CIMIP1: variants seen among roughly 807,000 people sequenced by gnomAD.
CIMIP1 encodes ciliary microtubule inner protein 1.
the CIMIP1 span, among the ~76,000 whole-genome samples, chr20:58,158,575 G>A: frequency 6.6e-6 from 1 of 152,004 alleles, no homozygotes; most frequent in African/African-American, 2.4e-5. Context: ...ACGTGAACCC[G>A]GGAGGTGCAG....
At chr20:58,158,091 T>C in the CIMIP1 span, among the ~76,000 whole-genome samples, 21 of 152,312 alleles carry the variant, frequency 1.4e-4, no homozygotes, top group South Asian at 3.3e-3. Flanking sequence ...AGTTATTCTC[T>C]TTCCAAAGAA....
At chr20:58,158,262 G>T in the CIMIP1 span, among the ~76,000 whole-genome samples, 3 of 152,188 alleles carry the variant, frequency 2.0e-5, no homozygotes, top group African/African-American at 7.2e-5. Context: ...ACCAGACAGA[G>T]CCTGTGGGGT....
the CIMIP1 span, among the ~76,000 whole-genome samples, chr20:58,156,100 G>C: frequency 2.0e-5 from 3 of 152,326 alleles, no homozygotes; most frequent in East Asian, 5.8e-4. Flanking sequence ...CTATTACTAA[G>C]GTGCAACAGC....
chr20:58,157,394 A>G, the CIMIP1 span, among the ~76,000 whole-genome samples: 1 of 152,178 alleles, frequency 6.6e-6, no homozygotes, highest in African/African-American at 2.4e-5. Flanking sequence ...CCTGCTTTTA[A>G]ATGTTACCCT....
chr20:58,153,594 A>G, the CIMIP1 span: 9 of 1,614,006 alleles, frequency 5.6e-6, no homozygotes, highest in Non-Finnish European at 7.6e-6. Flanking sequence ...TGGCCCCAGA[A>G]CTGGGGGTTT....
chr20:58,159,181 TTC>T, the CIMIP1 span, among the ~76,000 whole-genome samples: 1 of 136,106 alleles, frequency 7.3e-6, no homozygotes, highest in Non-Finnish European at 1.6e-5. Context: ...CTGCACTTTC[TTC>T]TTTTTTTTTT....
At chr20:58,155,297 C>T in the CIMIP1 span, among the ~76,000 whole-genome samples, 2 of 152,250 alleles carry the variant, frequency 1.3e-5, no homozygotes, top group African/African-American at 4.8e-5. Context: ...AAGCCTCTGC[C>T]TCCCATTTCC....
chr20:58,159,163 G>A, the CIMIP1 span, among the ~76,000 whole-genome samples: 1 of 141,124 alleles, frequency 7.1e-6, no homozygotes, highest in African/African-American at 2.6e-5. Context: ...GTCAAAGAGT[G>A]TTTGCATCTG....
chr20:58,158,201 C>T, the CIMIP1 span, among the ~76,000 whole-genome samples: 1 of 152,180 alleles, frequency 6.6e-6, no homozygotes, highest in African/African-American at 2.4e-5. Context: ...TGGTTATCTC[C>T]TGTGAGAGAC....
At chr20:58,159,103 G>C in the CIMIP1 span, among the ~76,000 whole-genome samples, 1 of 151,090 alleles carries the variant, frequency 6.6e-6, no homozygotes, top group African/African-American at 2.4e-5. Context: ...GTGTGTACCT[G>C]TGTAGCTATC....
chr20:58,155,608 T>A, the CIMIP1 span: 1 of 1,527,464 alleles, frequency 6.5e-7, no homozygotes, highest in Middle Eastern at 1.7e-4. Context: ...TTTAAAATAC[T>A]CATTTTCCTA....
the CIMIP1 span, chr20:58,153,632 A>G: frequency 6.3e-6 from 10 of 1,579,908 alleles, no homozygotes; most frequent in African/African-American, 1.2e-4. Context: ...GGAGGTAAAT[A>G]TAAATTGTAT....
chr20:58,151,268 C>G, the CIMIP1 span, among the ~76,000 whole-genome samples: 1 of 151,988 alleles, frequency 6.6e-6, no homozygotes, highest in African/African-American at 2.4e-5. Flanking sequence ...GGGCCCACCA[C>G]GAAGACGTGG....
At chr20:58,161,122 T>G in the CIMIP1 span, 214 of 227,490 alleles carry the variant, frequency 9.4e-4, 2 homozygotes, top group Non-Finnish European at 1.4e-3. Context: ...AGTGATTCAA[T>G]TTTAAAAATA....
At chr20:58,155,971 T>C in the CIMIP1 span, among the ~76,000 whole-genome samples, 1 of 152,216 alleles carries the variant, frequency 6.6e-6, no homozygotes, top group South Asian at 2.1e-4. Flanking sequence ...TGGCTTGACC[T>C]CTCTGTGTCT....
the CIMIP1 span, chr20:58,150,971 C>G: frequency 1.2e-6 from 2 of 1,606,592 alleles, no homozygotes; most frequent in Non-Finnish European, 1.7e-6. Flanking sequence ...CCTCATGGCG[C>G]AGAAACCTCT....
the CIMIP1 span, chr20:58,155,513 G>A: frequency 2.0e-5 from 32 of 1,613,972 alleles, no homozygotes; most frequent in African/African-American, 9.3e-5. Context: ...GCCCAAAATC[G>A]AGCTTCCTGA....
At chr20:58,157,444 C>T in the CIMIP1 span, among the ~76,000 whole-genome samples, 1 of 152,232 alleles carries the variant, frequency 6.6e-6, no homozygotes, top group East Asian at 1.9e-4. Context: ...TACGTATATA[C>T]ACACTTGTGC....
chr20:58,153,237 G>A, the CIMIP1 span, among the ~76,000 whole-genome samples: 1 of 152,136 alleles, frequency 6.6e-6, no homozygotes, highest in East Asian at 1.9e-4. Context: ...TGAGTCATAA[G>A]GGCCTCCAAA....
Sources: gnomAD v4.1 joint callset for allele counts (sites outside exome capture counted in the v4.1 genomes callset) on GRCh38, gnomAD v4.1.1 for gene constraint, MANE v1.5 for transcripts, NCBI Gene and HGNC (gene_info 2026-07-23, HGNC 2026-07-21) for gene names.